The following C10orf143 variants were observed in gnomAD, a reference collection of about 807,000 sequenced individuals.
C10orf143 encodes the protein uncharacterized protein C10orf143.
downstream of C10orf143, among the ~76,000 whole-genome samples, chr10:130,059,794 G>T (rs1367825631): frequency 6.6e-6 from 1 of 152,192 alleles, no homozygotes; most frequent in Non-Finnish European, 1.5e-5. Flanking sequence ...TTGTCACAGT[G>T]TGTGGCCCTG....
chr10:130,046,216 T>TGGGGC, intron 3 of C10orf143, among the ~76,000 whole-genome samples: 1 of 87,778 alleles, frequency 1.1e-5, no homozygotes, highest in African/African-American at 4.5e-5. Context: ...CGGAGTGGGG[T>TGGGGC]GGAGCGGGTG....
Position 130,053,490 on chromosome 10 carries a change from C to G in C10orf143, c.298-17520G>C, listed in dbSNP as rs145003697. 4.9e-3 allele frequency among the ~76,000 whole-genome samples: 749 copies of G among 152,330 alleles called. 7 individuals carry two copies. The highest frequency in any genetic ancestry group is 0.016 in the African/African-American group (684 of 41,582). On this transcript the variant is annotated intron_variant and NMD_transcript_variant, in intron 3 of 5. Transcript: ENST00000643056. ...ATTAAGGTTTTTGGGACCACAGAGT[C>G]AGACCCCCTGGTTCTTGCCTCTACC...
At chr10:130,096,892 G>A (rs1263908613) in intron 1 of C10orf143, among the ~76,000 whole-genome samples, 5 of 148,482 alleles carry the variant, frequency 3.4e-5, no homozygotes, top group Non-Finnish European at 7.4e-5. Context: ...CATTCGTGGA[G>A]AAGAAATGTT....
At chr10:130,106,446 T>C (rs1281810052) in intron 1 of C10orf143, 1 of 1,602,674 alleles carries the variant, frequency 6.2e-7, no homozygotes, top group South Asian at 1.1e-5. Context: ...TGTGAAAAGT[T>C]GAACAGGTCC....
intron 3 of C10orf143, among the ~76,000 whole-genome samples, chr10:130,039,066 T>C (rs1282851872): frequency 1.3e-5 from 2 of 152,174 alleles, no homozygotes; most frequent in Non-Finnish European, 2.9e-5. Context: ...CCAGGACAGT[T>C]GGTCCCCCAG....
intron 1 of C10orf143, among the ~76,000 whole-genome samples, chr10:130,093,790 A>C (rs1208295726): frequency 2.0e-5 from 3 of 152,086 alleles, no homozygotes; most frequent in African/African-American, 7.2e-5. Flanking sequence ...AGGCGGGCGG[A>C]TCACGAGGTC....
rs868687916 is a variant in C10orf143, at chr10:130,079,738, C to T, written c.233G>A (p.Gly78Glu). The T allele has an allele frequency of 3.3e-5, 13 of 398,642 alleles. No individual in the cohort carries two copies. The highest frequency in any genetic ancestry group is 6.3e-4 in the Middle Eastern group (1 of 1,588). 24.7% of individuals were successfully genotyped at this position (398,642 alleles called of 1,614,324 possible). The change falls in exon 2 of 4, where the codon GGG (glycine) becomes GAG (glutamate). Residue 78 changes from glycine to glutamate, a missense_variant and splice_region_variant. Coordinates refer to ENST00000637128, the MANE Select transcript of C10orf143 (RefSeq NM_001355042.2). ...AGTTTGGTGGGAAGAGGAACATACC[C>T]CTGTACTTAGCCTCCCCTGGCCACT... Reference protein sequence around the residue: ...PESGQGRLSTGISQNGGRSSA... With the variant: ...PESGQGRLSTEISQNGGRSSA...
In C10orf143 at chr10:130,048,852, G is replaced by A. The variant is rs1402719896; in HGVS notation, c.298-12882C>T. Among the ~76,000 whole-genome samples, 6 of 151,992 alleles carry A rather than the reference G, an allele frequency of 3.9e-5. No individual in the cohort carries two copies. The East Asian group carries it at 5.8e-4, about 15-fold the overall frequency. ...CAAGCAGCTAGGAGTACAGACATGCGCCACCATACCCAGTTAGTTTTATTT... is the reference window on the plus strand; with the variant it reads ...CAAGCAGCTAGGAGTACAGACATGCACCACCATACCCAGTTAGTTTTATTT... On this transcript the variant is annotated intron_variant and NMD_transcript_variant, in intron 3 of 5. Coordinates refer to the C10orf143 transcript ENST00000643056.
intron 1 of C10orf143, chr10:130,108,566 C>G: frequency 1.7e-6 from 1 of 595,046 alleles, no homozygotes; most frequent in South Asian, 2.1e-5. Context: ...AATTATAATT[C>G]TTAGGATAGT....
chr10:130,107,417 G>C, intron 1 of C10orf143: 2 of 1,218,830 alleles, frequency 1.6e-6, no homozygotes, highest in South Asian at 1.2e-5. Flanking sequence ...TGAGAAAAAG[G>C]CACATCATAA....
chr10:130,052,627 T>C (rs647216), intron 3 of C10orf143, among the ~76,000 whole-genome samples: 95,069 of 152,062 alleles, frequency 0.63, 30,076 homozygotes, highest in East Asian at 0.75. Context: ...CATAGACTTT[T>C]ACTGTACCTA....
chr10:130,087,579 G>C (rs1319532167), intron 1 of C10orf143, among the ~76,000 whole-genome samples: 1 of 152,222 alleles, frequency 6.6e-6, no homozygotes. Flanking sequence ...TCCTGAGGAG[G>C]CAAGACCAAC....
At chr10:130,101,885 A>AAAAAC (rs1861563223) in intron 1 of C10orf143, among the ~76,000 whole-genome samples, 1 of 136,216 alleles carries the variant, frequency 7.3e-6, no homozygotes, top group African/African-American at 2.7e-5. Context: ...AAAAAAAAAA[A>AAAAAC]CTTTTTCAGA....
chr10:130,107,353 TGAA>T (rs749631248), intron 1 of C10orf143: 8 of 1,077,910 alleles, frequency 7.4e-6, no homozygotes, highest in Admixed American at 1.7e-5. Flanking sequence ...CCAAAGATCT[TGAA>T]GAAGAATTGG....
chr10:130,046,358 C>A (rs1180518390), intron 3 of C10orf143, among the ~76,000 whole-genome samples: 1 of 152,056 alleles, frequency 6.6e-6, no homozygotes, highest in Non-Finnish European at 1.5e-5. Flanking sequence ...CCAGCGCCTC[C>A]CCCGGGACCT....
chr10:130,041,364 AC>A (rs1302676751), intron 3 of C10orf143, among the ~76,000 whole-genome samples: 1 of 152,212 alleles, frequency 6.6e-6, no homozygotes, highest in Non-Finnish European at 1.5e-5. Context: ...CAGAGTCAGT[AC>A]CAAGGAGGCC....
chr10:130,098,362 C>T (rs865831350), intron 1 of C10orf143, among the ~76,000 whole-genome samples: 122 of 152,160 alleles, frequency 8.0e-4, no homozygotes, highest in Admixed American at 9.2e-4. Flanking sequence ...CTAAATAACA[C>T]GGTCTTGGTA....
Position 130,037,115 on chromosome 10 carries a change from T to A in C10orf143, c.298-1145A>T, listed in dbSNP as rs530859488. 3.3e-3 allele frequency among the ~76,000 whole-genome samples: 504 copies of A among 152,278 alleles called. 3 individuals are homozygous for A. The highest frequency in any genetic ancestry group is 0.02 in the Middle Eastern group (6 of 294). On this transcript the variant is annotated intron_variant and NMD_transcript_variant, in intron 3 of 5. Coordinates refer to the C10orf143 transcript ENST00000643056. ...CCTCAATGGCATTTTAAAGTGCAGATGACACTGAAGAGTGCCCTTGGAGAA... is the reference window on the plus strand; with the variant it reads ...CCTCAATGGCATTTTAAAGTGCAGAAGACACTGAAGAGTGCCCTTGGAGAA...
chr10:130,101,637 C>T (rs1274682990), intron 1 of C10orf143, among the ~76,000 whole-genome samples: 1 of 151,582 alleles, frequency 6.6e-6, no homozygotes, highest in Non-Finnish European at 1.5e-5. Flanking sequence ...GAGGTGGAGG[C>T]GGGCGCATCA....
Sources: allele counts gnomAD v4.1 joint callset (sites outside exome capture counted in the v4.1 genomes callset), GRCh38; gene constraint gnomAD v4.1.1; transcripts MANE v1.5; gene names NCBI Gene and HGNC (gene_info 2026-07-23, HGNC 2026-07-21).